Variants in WDR27 observed in about 807,000 individuals in gnomAD.
The protein encoded by WDR27 is WD repeat-containing protein 27.
WDR27 carries 100 observed loss-of-function variants against 114.4 expected under a neutral mutation model. That is an observed-to-expected ratio of 0.87 (90% CI 0.74 to 1.03). The LOEUF (loss-of-function observed/expected upper bound fraction) is 1.03, where lower values mean the gene tolerates loss of function less well. Among genes scored for constraint, WDR27 ranks in the 50% least tolerant of loss-of-function variants. WDR27 has a pLI of 0.00. For missense variants in WDR27, 1,129 were observed against 1,092.9 expected (o/e 1.03, Z -0.47); for synonymous variants, 449 against 423.1 (o/e 1.06, Z -0.75).
downstream of WDR27, among the ~76,000 whole-genome samples, chr6:169,455,351 C>T (rs111673403): frequency 3.6e-4 from 54 of 152,112 alleles, no homozygotes; most frequent in Non-Finnish European, 8.8e-5. Flanking sequence ...AACAATGAGA[C>T]GATGAATTGG....
chr6:169,636,249 G>T, intron 19 of WDR27, 122 bp downstream of exon 19: 2 of 1,141,714 alleles, frequency 1.8e-6, no homozygotes, highest in Non-Finnish European at 2.5e-6. Flanking sequence ...TCAAGAGTTT[G>T]GTGATATGAG....
In WDR27 at chr6:169,667,146, A is replaced by G; in HGVS notation, c.702T>C (p.Ser234=). Residue 234 remains serine (S), a synonymous_variant, in exon 6 of 26, where the codon TCT becomes TCC. Transcript: ENST00000448612. Reference sequence around the variant, plus strand: ...AAGTTTTAAATTTACCTGATAACACAGATGAACTGTATATTAATGATCCTG... The same window carrying G: ...AAGTTTTAAATTTACCTGATAACACGGATGAACTGTATATTAATGATCCTG... ...HCTGSLIYSS[S]VLSAYPLLSL... is the part of the protein sequence containing the mutation. The G allele has an allele frequency of 6.5e-7, 1 of 1,527,278 alleles. No individual in the cohort carries two copies. The highest frequency in any genetic ancestry group is 8.8e-7 in the Non-Finnish European group (1 of 1,139,244). 94.6% of individuals were successfully genotyped at this position (1,527,278 alleles called of 1,614,324 possible).
chr6:169,620,271 T>C lies in WDR27; in HGVS notation c.2224-6615A>G, dbSNP rs150853427. The stretch of plus-strand genomic sequence containing the variant: ...CCAAGGGTAAAGTCAAGCTGGGAAC[T>C]GCCTCAGGCAAAACCTGCCTCCCAT... On this transcript the variant is annotated intron_variant, in intron 21 of 25. Coordinates refer to ENST00000448612, the MANE Select transcript of WDR27 (RefSeq NM_182552.5). Among the ~76,000 whole-genome samples, 288 of 152,292 alleles carry C rather than the reference T, an allele frequency of 1.9e-3. 1 individual carries two copies. The highest frequency in any genetic ancestry group is 6.7e-3 in the African/African-American group (279 of 41,558).
chr6:169,600,569 A>G (rs1034596427), intron 23 of WDR27, among the ~76,000 whole-genome samples: 1 of 152,220 alleles, frequency 6.6e-6, no homozygotes, highest in African/African-American at 2.4e-5. Context: ...ACCTTGAAAA[A>G]AAATTAGACG....
chr6:169,661,557 C>G (rs1357484227), intron 9 of WDR27, among the ~76,000 whole-genome samples: 1 of 152,202 alleles, frequency 6.6e-6, no homozygotes, highest in Non-Finnish European at 1.5e-5. Flanking sequence ...CACCCAACGA[C>G]CATCGTCAAC....
At chr6:169,669,628 C>T (rs1778175003) in intron 4 of WDR27, 1 of 152,064 alleles carries the variant, frequency 6.6e-6, no homozygotes, top group African/African-American at 2.4e-5. Flanking sequence ...AGGATGTTTA[C>T]AACAAAACAT....
At chr6:169,642,525 G>A (rs1819483324) in intron 17 of WDR27, among the ~76,000 whole-genome samples, 1 of 152,178 alleles carries the variant, frequency 6.6e-6, no homozygotes, top group Non-Finnish European at 1.5e-5. Flanking sequence ...GGATAGATAT[G>A]AGGTGGGACC....
chr6:169,455,080 C>A (rs1173718823), downstream of WDR27, among the ~76,000 whole-genome samples: 3 of 152,222 alleles, frequency 2.0e-5, no homozygotes, highest in African/African-American at 7.2e-5. Flanking sequence ...CAGCTGAGCC[C>A]TCCCGGACAC....
intron 25 of WDR27, among the ~76,000 whole-genome samples, chr6:169,460,989 G>GA (rs34208884): frequency 0.013 from 1,754 of 132,854 alleles, 42 homozygotes; most frequent in African/African-American, 0.045. Flanking sequence ...ACCAATAACA[G>GA]AAAAAAAAAA....
the WDR27 span, among the ~76,000 whole-genome samples, chr6:169,434,762 A>G: frequency 6.6e-6 from 1 of 152,250 alleles, no homozygotes; most frequent in African/African-American, 2.4e-5. Flanking sequence ...GAAATGGAGC[A>G]TAAAAGTTCA....
intron 25 of WDR27, among the ~76,000 whole-genome samples, chr6:169,566,676 T>C (rs1800556001): frequency 1.3e-5 from 2 of 152,156 alleles, no homozygotes; most frequent in South Asian, 4.1e-4. Context: ...TAGAGACTAC[T>C]GGAGCACTCA....
intron 25 of WDR27, among the ~76,000 whole-genome samples, chr6:169,479,877 T>C (rs1382483985): frequency 6.6e-6 from 1 of 152,208 alleles, no homozygotes; most frequent in African/African-American, 2.4e-5. Flanking sequence ...GAGGTGACAA[T>C]GTGCTAGCAG....
At chr6:169,509,572 G>C (rs986563691) in intron 25 of WDR27, among the ~76,000 whole-genome samples, 1 of 151,676 alleles carries the variant, frequency 6.6e-6, no homozygotes, top group Non-Finnish European at 1.5e-5. Context: ...AAACTGGCTA[G>C]CCATATGTAG....
At position 169,589,593 on chromosome 6, in the gene WDR27, GGA is replaced by G. The variant is rs372342898; in HGVS notation, c.2425-6661_2425-6660del. Among the ~76,000 whole-genome samples the G allele has an allele frequency of 2.2e-4, 33 of 152,234 alleles. No individual in the cohort carries two copies. In the East Asian group the frequency reaches 4.4e-3, roughly 20 times the overall value. On this transcript the variant is annotated intron_variant, in intron 23 of 25. Transcript: ENST00000448612. ...TAAATGAAACATCTTTTGGTCCAGG[GGA>G]TTCTTGGGGTACATGAATTTTCTGA...
chr6:169,452,955 C>T (rs1175581728), downstream of WDR27, among the ~76,000 whole-genome samples: 4 of 152,170 alleles, frequency 2.6e-5, no homozygotes, highest in South Asian at 2.1e-4. Flanking sequence ...CCTCAGCTGC[C>T]GTGCAGTCAG....
chr6:169,683,713 G>A (rs1043338827), intron 2 of WDR27, among the ~76,000 whole-genome samples: 6 of 152,112 alleles, frequency 3.9e-5, no homozygotes, highest in South Asian at 2.1e-4. Flanking sequence ...TCTGCCCAGC[G>A]TCAGATGGGA....
chr6:169,460,208 T>C (rs934423443), intron 25 of WDR27, among the ~76,000 whole-genome samples: 2 of 152,206 alleles, frequency 1.3e-5, no homozygotes, highest in East Asian at 1.9e-4. Context: ...TTCTAAATAA[T>C]TGAAGACACT....
intron 25 of WDR27, among the ~76,000 whole-genome samples, chr6:169,494,446 T>A (rs1216126223): frequency 6.6e-6 from 1 of 152,138 alleles, no homozygotes; most frequent in African/African-American, 2.4e-5. Flanking sequence ...GGCAGTGCAA[T>A]GGATTTGTTT....
At chr6:169,662,495 T>C in intron 8 of WDR27, 71 bp from the exon 9 acceptor site, 1 of 1,568,868 alleles carries the variant, frequency 6.4e-7, no homozygotes, top group Admixed American at 1.8e-5. Context: ...GGCTGAGGAC[T>C]GCCACACAGA....
Sources: allele counts gnomAD v4.1 joint callset (sites outside exome capture counted in the v4.1 genomes callset), GRCh38; gene constraint gnomAD v4.1.1; transcripts MANE v1.5; gene names NCBI Gene and HGNC (gene_info 2026-07-23, HGNC 2026-07-21).